The following PALD1 variants were observed in gnomAD, a reference collection of about 807,000 sequenced individuals.
PALD1 encodes phosphatase domain containing paladin 1, also known as paladin.
Under a neutral mutation model 96.0 loss-of-function variants are expected in PALD1, and 57 were observed. The observed-to-expected ratio is 0.59, with a 90% CI of 0.48 to 0.74. The LOEUF (loss-of-function observed/expected upper bound fraction) is 0.74, where lower values mean the gene tolerates loss of function less well. Among genes scored for constraint, PALD1 ranks in the 30% least tolerant of loss-of-function variants. The probability of loss-of-function intolerance (pLI) is 0.00; values close to 1 mark genes in which losing one functional copy is unlikely to be tolerated. For synonymous variants in PALD1, 464 were observed against 473.6 expected (o/e 0.98, Z 0.26); for missense variants, 1,063 against 1,143.7 (o/e 0.93, Z 1.02).
At chr10:70,499,830 C>T (rs1846262126) in intron 1 of PALD1, among the ~76,000 whole-genome samples, 1 of 152,218 alleles carries the variant, frequency 6.6e-6, no homozygotes, top group Non-Finnish European at 1.5e-5. Flanking sequence ...CTTTGCTCCA[C>T]TGTTTCTTTG....
intron 1 of PALD1, among the ~76,000 whole-genome samples, chr10:70,503,465 G>A (rs1396622306): frequency 2.6e-5 from 4 of 151,866 alleles, no homozygotes; most frequent in Admixed American, 1.3e-4. Flanking sequence ...GCAAAACCCC[G>A]TCTCTACTAA....
intron 1 of PALD1, among the ~76,000 whole-genome samples, chr10:70,485,125 TAC>T (rs1845996155): frequency 6.6e-6 from 1 of 152,188 alleles, no homozygotes; most frequent in African/African-American, 2.4e-5. Flanking sequence ...GAAACAAGAT[TAC>T]AGAGTACGAA....
chr10:70,499,527 CT>C (rs1446535514), intron 1 of PALD1, among the ~76,000 whole-genome samples: 1 of 152,188 alleles, frequency 6.6e-6, no homozygotes, highest in Admixed American at 6.5e-5. Context: ...CTTGGCAGGA[CT>C]TTCCCTGAAA....
intron 1 of PALD1, among the ~76,000 whole-genome samples, chr10:70,485,027 C>T (rs114731050): frequency 0.015 from 2,299 of 152,226 alleles, 70 homozygotes; most frequent in African/African-American, 0.053. Flanking sequence ...CCATTTTTAG[C>T]AGTGTTGTAC....
intron 1 of PALD1, among the ~76,000 whole-genome samples, chr10:70,501,968 C>T (rs1425533386): frequency 6.6e-6 from 1 of 151,832 alleles, no homozygotes; most frequent in East Asian, 1.9e-4. Context: ...TATTTTTCTA[C>T]ATCAGTAAAT....
chr10:70,534,154 C>T lies in PALD1; in HGVS notation c.1022+81C>T, dbSNP rs527919391. ...GCTGCCCCACAGTGTGGGGACATGTCTAGGAGCCCAGAGCCAGAGCTGGAA... is the reference window on the plus strand; with the variant it reads ...GCTGCCCCACAGTGTGGGGACATGTTTAGGAGCCCAGAGCCAGAGCTGGAA... On this transcript the variant is annotated intron_variant, in intron 8 of 19. Coordinates refer to ENST00000263563, the MANE Select transcript of PALD1 (RefSeq NM_014431.3). 8 of 1,404,712 alleles carry T rather than the reference C, an allele frequency of 5.7e-6. No individual in the cohort carries two copies. In the African/African-American group the frequency reaches 1.2e-4, roughly 20 times the overall value. 87.0% of individuals were successfully genotyped at this position (1,404,712 alleles called of 1,614,324 possible). A position where few individuals can be genotyped will look rare whatever the true frequency, so the allele number is the denominator to read the frequency against.
the PALD1 span, among the ~76,000 whole-genome samples, chr10:70,463,412 C>A: frequency 3.3e-5 from 5 of 151,850 alleles, no homozygotes; most frequent in African/African-American, 1.2e-4. Context: ...AAAAAAAGAA[C>A]AGGTAAAGCA....
rs550643851 is a variant in PALD1 at position 70,529,294 on chromosome 10, G to A, written c.251G>A (p.Arg84Gln). ...CTCAAGGCTCATTACACGTTGGGCC[G>A]GCTCTCGGACAACACCCCTGAGCAC... ...ELLKAHYTLG[R>Q]LSDNTPEHYL... Residue 84 changes from arginine (R) to glutamine (Q), a missense_variant, in exon 3 of 20, where the codon CGG (arginine) becomes CAG (glutamine). By Grantham distance (43) the Arg-to-Gln change is conservative (BLOSUM62 1). Transcript: ENST00000263563. 4.4e-6 allele frequency: 7 copies of A among 1,592,862 alleles called. No individual in the cohort carries two copies. The Admixed American group carries it at 5.2e-5, about 12-fold the overall frequency.
At chr10:70,493,906 G>A (rs1328104752) in intron 1 of PALD1, among the ~76,000 whole-genome samples, 1 of 152,192 alleles carries the variant, frequency 6.6e-6, no homozygotes, top group African/African-American at 2.4e-5. Context: ...AGCAGACCTT[G>A]TCAGAACTTA....
At chr10:70,522,990 A>G (rs1846769330) in intron 1 of PALD1, among the ~76,000 whole-genome samples, 1 of 152,086 alleles carries the variant, frequency 6.6e-6, no homozygotes, top group Non-Finnish European at 1.5e-5. Context: ...GGCAGAGTTG[A>G]GAGAGATTTC....
intron 17 of PALD1, among the ~76,000 whole-genome samples, chr10:70,545,546 A>G (rs1347414996): frequency 6.6e-6 from 1 of 152,062 alleles, no homozygotes; most frequent in Non-Finnish European, 1.5e-5. Context: ...AGAGTAACCT[A>G]AACAGGCTTC....
intron 1 of PALD1, among the ~76,000 whole-genome samples, chr10:70,503,865 T>A (rs2132299031): frequency 6.6e-6 from 1 of 152,374 alleles, no homozygotes; most frequent in South Asian, 2.1e-4. Flanking sequence ...TTACATTCTC[T>A]TCTTTCATGT....
intron 18 of PALD1, among the ~76,000 whole-genome samples, chr10:70,556,127 C>T (rs1194801806): frequency 6.6e-6 from 1 of 152,126 alleles, no homozygotes; most frequent in African/African-American, 2.4e-5. Flanking sequence ...TGAGCTGTCA[C>T]ATAAAATAGA....
At chr10:70,527,569 C>G (rs1022666933) in intron 2 of PALD1, among the ~76,000 whole-genome samples, 1 of 152,178 alleles carries the variant, frequency 6.6e-6, no homozygotes, top group Non-Finnish European at 1.5e-5. Context: ...GTATGGCCCA[C>G]AAAGCAAGTA....
At chr10:70,479,633 A>G (rs1845894673) in intron 1 of PALD1, among the ~76,000 whole-genome samples, 1 of 152,196 alleles carries the variant, frequency 6.6e-6, no homozygotes, top group African/African-American at 2.4e-5. Flanking sequence ...AGAGTGGCCT[A>G]TGGGAGACCC....
In PALD1 at chr10:70,533,966, C is replaced by T; in HGVS notation, c.915C>T (p.Pro305=). The T allele has an allele frequency of 6.2e-7, 1 of 1,613,238 alleles. No individual in the cohort carries two copies. The highest frequency in any genetic ancestry group is 2.2e-5 in the East Asian group (1 of 44,818). The change falls in exon 8 of 20, where the codon CCC becomes CCT. Residue 305 remains proline (P), a synonymous_variant. Coordinates refer to ENST00000263563, the MANE Select transcript of PALD1 (RefSeq NM_014431.3). ...AGCTCCGTGATGCCCACGGGCCTCC[C>T]CCAGCCCTCGTCTTCAGCTGCCAGA... ...LLQLRDAHGP[P]PALVFSCQMG...
Position 70,526,065 on chromosome 10 carries a change from C to CT in PALD1, c.114_115insT (p.Gln39SerfsTer4). ...GGCACTCCGTCAGCATCCACTCCTTCCAGAGCACTAGCTTGCATAACAGCA... is the reference window on the plus strand; with the variant it reads ...GGCACTCCGTCAGCATCCACTCCTTCTCAGAGCACTAGCTTGCATAACAGCA... On this transcript the variant is annotated frameshift_variant, in exon 2 of 20. Transcript: ENST00000263563. LOFTEE classifies it high-confidence loss of function. 1 of 1,614,212 alleles carries CT rather than the reference C, an allele frequency of 6.2e-7. No homozygotes were observed. Among genetic ancestry groups the CT allele is most frequent in the Non-Finnish European group, 8.5e-7 (1 of 1,180,022 alleles).
At chr10:70,523,612 T>G (rs1846787323) in intron 1 of PALD1, among the ~76,000 whole-genome samples, 1 of 152,090 alleles carries the variant, frequency 6.6e-6, no homozygotes, top group Admixed American at 6.6e-5. Context: ...GCTCATTCCC[T>G]CCACCCTTGC....
chr10:70,562,834 C>G (rs1847769334), intron 18 of PALD1, among the ~76,000 whole-genome samples: 2 of 151,846 alleles, frequency 1.3e-5, no homozygotes, highest in South Asian at 4.4e-4. Context: ...TGTAGGAGAG[C>G]CTGGCTGTGC....
Sources: allele counts gnomAD v4.1 joint callset (sites outside exome capture counted in the v4.1 genomes callset), GRCh38; gene constraint gnomAD v4.1.1; transcripts MANE v1.5; gene names NCBI Gene and HGNC (gene_info 2026-07-23, HGNC 2026-07-21).